GABRQ: variants seen among roughly 807,000 people sequenced by gnomAD.
GABRQ encodes gamma-aminobutyric acid receptor subunit theta.
In GABRQ, 19 loss-of-function variants were observed where a neutral mutation model predicts 30.5. The ratio of observed to expected loss-of-function variants is 0.62; its 90% CI spans 0.43 to 0.91. The LOEUF is 0.91. GABRQ is among the 40% of genes least tolerant of loss of function. The pLI, the probability that GABRQ is intolerant of heterozygous loss-of-function variation, is 0.00. For missense variants in GABRQ, 520 were observed against 521.4 expected (o/e 1.00, Z 0.03); for synonymous variants, 187 against 210.2 (o/e 0.89, Z 0.95).
rs1233528034 is a variant in GABRQ, at chrX:152,654,139, G to C, written c.*858G>C. The C allele has an allele frequency of 8.9e-6, 1 of 112,374 alleles. No homozygotes were observed. Among genetic ancestry groups the C allele is most frequent in the African/African-American group, 3.2e-5 (1 of 30,881 alleles). The allele number at this position is 112,374 out of a possible 1,213,427, so 9.3% of individuals were successfully genotyped here. On this transcript the variant is annotated 3_prime_UTR_variant, in exon 9 of 9. Coordinates refer to ENST00000598523, the MANE Select transcript of GABRQ (RefSeq NM_018558.4). The stretch of plus-strand genomic sequence containing the variant: ...AGACTCAATACATCTGTCTAAGTCA[G>C]GAGTTAGCTTTCCGTCAGTTGCTGA...
Position 152,653,016 on chromosome X carries a change from C to T in GABRQ, c.1634C>T (p.Ala545Val), listed in dbSNP as rs782763163. Reference protein sequence around the residue: ...DDNNDKSDCLAIKEQFKCDTN... With the variant: ...DDNNDKSDCLVIKEQFKCDTN... Reference sequence around the variant, plus strand: ...AACAATGACAAGAGCGACTGCCTTGCCATTAAGGAGCAATTCAAGTGTGAT... The same window carrying T: ...AACAATGACAAGAGCGACTGCCTTGTCATTAAGGAGCAATTCAAGTGTGAT... Residue 545 changes from alanine to valine, a missense_variant, in exon 9 of 9, where the codon GCC becomes GTC. By Grantham distance (64) the Ala-to-Val change is moderately conservative. Transcript: ENST00000598523. The T allele has an allele frequency of 8.3e-7, 1 of 1,210,223 alleles. No homozygotes were observed. The highest frequency in any genetic ancestry group is 1.1e-6 in the Non-Finnish European group (1 of 894,114).
intron 1 of GABRQ, among the ~76,000 whole-genome samples, chrX:152,638,993 C>T (rs782036433): frequency 9.0e-6 from 1 of 110,779 alleles, no homozygotes; most frequent in East Asian, 2.8e-4. Context: ...TTGAAGACTC[C>T]GGTTTTTTTC....
chrX:152,644,940 C>T (rs1239656187), intron 2 of GABRQ, among the ~76,000 whole-genome samples: 3 of 112,240 alleles, frequency 2.7e-5, no homozygotes, highest in African/African-American at 9.7e-5. Flanking sequence ...CATTCACATG[C>T]TCACAGATTT....
rs1931117000 is a variant in GABRQ, at chrX:152,654,832, CT to C, written c.*1554del. ...TCCCTTACCCCTCTACCCACTCACC[CT>C]TTAACTGTGCTTCTGTGTTTGTGTT... On this transcript the variant is annotated 3_prime_UTR_variant, in exon 9 of 9. Transcript: ENST00000598523. The C allele has an allele frequency of 8.9e-6, 1 of 112,506 alleles. No individual in the cohort carries two copies. The highest frequency in any genetic ancestry group is 3.2e-5 in the African/African-American group (1 of 30,945). The allele number at this position is 112,506 out of a possible 1,213,427, so 9.3% of individuals were successfully genotyped here.
chrX:152,651,787 G>T lies in GABRQ; in HGVS notation c.1158+5G>T. The T allele has an allele frequency of 8.3e-7, 1 of 1,207,126 alleles. No homozygotes were observed. The highest frequency in any genetic ancestry group is 1.1e-6 in the Non-Finnish European group (1 of 892,294). On this transcript the variant is annotated splice_donor_5th_base_variant and intron_variant, in intron 8 of 8. Coordinates refer to ENST00000598523, the MANE Select transcript of GABRQ (RefSeq NM_018558.4). ...GTGGTGGTAGGAAACGTGCAGGTTTGACTTTTTGACTGACAATCAGCTTTC... is the reference window on the plus strand; with the variant it reads ...GTGGTGGTAGGAAACGTGCAGGTTTTACTTTTTGACTGACAATCAGCTTTC...
chrX:152,658,038 T>C (rs1931182489), downstream of GABRQ, among the ~76,000 whole-genome samples: 1 of 112,067 alleles, frequency 8.9e-6, no homozygotes, highest in Middle Eastern at 4.6e-3. Flanking sequence ...GGAGTAGAAA[T>C]ACGCCAGCTT....
chrX:152,658,856 C>G (rs782531271), downstream of GABRQ, among the ~76,000 whole-genome samples: 1 of 111,714 alleles, frequency 9.0e-6, no homozygotes, highest in African/African-American at 3.3e-5. Flanking sequence ...CTCGAGAAAT[C>G]CCACCCTGAT....
rs1556820525 is a variant in GABRQ, at chrX:152,652,855, T to C, written c.1473T>C (p.His491=). Residue 491 remains histidine, a synonymous_variant, in exon 9 of 9, where the codon CAT becomes CAC. Transcript: ENST00000598523. ...EIRNRVEAHG[H]GVTHDHEDSN... Reference sequence around the variant, plus strand: ...GCAACCGTGTCGAAGCCCATGGCCATGGTGTTACCCATGACCATGAAGATT... The same window carrying C: ...GCAACCGTGTCGAAGCCCATGGCCACGGTGTTACCCATGACCATGAAGATT... The C allele has an allele frequency of 8.3e-7, 1 of 1,210,880 alleles. No homozygotes were observed.
In GABRQ at chrX:152,650,588, C is replaced by T; in HGVS notation, c.901+8C>T. ...CAGCCAGGGTGACAATTGGTAGGTT[C>T]TGTCTCTGTCCCAGGAAAGAATTTG... is the stretch of plus-strand genomic sequence containing the variant. On this transcript the variant is annotated splice_region_variant and intron_variant, in intron 7 of 8. Coordinates refer to ENST00000598523, the MANE Select transcript of GABRQ (RefSeq NM_018558.4). 1.7e-6 allele frequency: 2 copies of T among 1,182,128 alleles called. No individual in the cohort carries two copies. Among genetic ancestry groups the T allele is most frequent in the Non-Finnish European group, 2.3e-6 (2 of 878,008 alleles).
At chrX:152,650,997 T>A (rs781797068) in intron 7 of GABRQ, among the ~76,000 whole-genome samples, 1 of 110,885 alleles carries the variant, frequency 9.0e-6, no homozygotes, top group East Asian at 2.9e-4. Flanking sequence ...GTACTTTATG[T>A]CTAAGCATGG....
At chrX:152,640,927 C>T (rs956599463) in intron 2 of GABRQ, among the ~76,000 whole-genome samples, 1 of 110,971 alleles carries the variant, frequency 9.0e-6, no homozygotes, top group South Asian at 3.9e-4. Context: ...CTTAACCCAC[C>T]GAGGCCCTGG....
chrX:152,639,378 G>GCGCACACACA (rs202009485), intron 1 of GABRQ, among the ~76,000 whole-genome samples: 1,125 of 103,346 alleles, frequency 0.011, 20 homozygotes, highest in African/African-American at 0.037. Context: ...ATGCGCGTGC[G>GCGCACACACA]CACACACACA....
At chrX:152,649,638 G>A (rs1349006720) in intron 5 of GABRQ, 104 bp from the exon 6 acceptor site, 10 of 640,778 alleles carry the variant, frequency 1.6e-5, no homozygotes, top group Non-Finnish European at 2.2e-5. Flanking sequence ...CTTACTGTTG[G>A]GAAAGTGTGT....
intron 2 of GABRQ, among the ~76,000 whole-genome samples, chrX:152,644,530 T>A (rs1556818915): frequency 8.9e-6 from 1 of 112,531 alleles, no homozygotes; most frequent in Non-Finnish European, 1.9e-5. Context: ...ATGTGTAGTA[T>A]GCCAGTGCAG....
chrX:152,652,603 C>T lies in GABRQ; in HGVS notation c.1221C>T (p.Pro407=). The change falls in exon 9 of 9, where the codon CCC becomes CCT. Residue 407 remains proline (P), a synonymous_variant. Coordinates refer to ENST00000598523, the MANE Select transcript of GABRQ (RefSeq NM_018558.4). ...TCCCCATCACCCCAGCGCAGGCCCC[C>T]CTGGCAAGCCCGGAAAGCCTCGGTT... is the stretch of plus-strand genomic sequence containing the variant. ...SSLPITPAQA[P]LASPESLGSL... The T allele has an allele frequency of 8.3e-7, 1 of 1,210,556 alleles. No individual in the cohort carries two copies. Among genetic ancestry groups the T allele is most frequent in the African/African-American group, 1.7e-5 (1 of 57,820 alleles).
Position 152,653,444 on chromosome X carries a change from A to C in GABRQ, c.*163A>C. On this transcript the variant is annotated 3_prime_UTR_variant, in exon 9 of 9. Coordinates refer to ENST00000598523, the MANE Select transcript of GABRQ (RefSeq NM_018558.4). The stretch of plus-strand genomic sequence containing the variant: ...TAAACATGAGGTGGGGAGTAATTGG[A>C]AAGAACATGTTCTAGCTGGAAGGGA... The C allele has an allele frequency of 2.3e-6, 1 of 439,310 alleles. No individual in the cohort carries two copies. Among genetic ancestry groups the C allele is most frequent in the Non-Finnish European group, 3.9e-6 (1 of 255,639 alleles). The allele number at this position is 439,310 out of a possible 1,213,427, so 36.2% of individuals were successfully genotyped here.
intron 7 of GABRQ, 143 bp from the exon 8 acceptor site, chrX:152,651,383 G>T: frequency 2.0e-6 from 1 of 488,093 alleles, no homozygotes; most frequent in South Asian, 3.2e-5. Context: ...TGAGTTTAAA[G>T]ATGGGGGAAA....
chrX:152,647,197 C>T lies in GABRQ; in HGVS notation c.527+29C>T, dbSNP rs374415140. 1.5e-5 allele frequency: 15 copies of T among 1,017,231 alleles called. No individual in the cohort carries two copies. The East Asian group carries it at 3.3e-4, about 23-fold the overall frequency. The allele number at this position is 1,017,231 out of a possible 1,213,427, so 83.8% of individuals were successfully genotyped here. On this transcript the variant is annotated intron_variant, in intron 4 of 8. Coordinates refer to ENST00000598523, the MANE Select transcript of GABRQ (RefSeq NM_018558.4). The stretch of plus-strand genomic sequence containing the variant: ...AGTCCCCTAGGGGTCTGGGGATGTC[C>T]CAGCAGACTTCCTTCTTCCTACTGA...
intron 5 of GABRQ, 37 bp from the exon 6 acceptor site, chrX:152,649,705 A>C: frequency 1.8e-6 from 2 of 1,127,353 alleles, no homozygotes; most frequent in Non-Finnish European, 1.2e-6. Context: ...CTTTCTTTCT[A>C]AGAATCTGAG....
Sources: gnomAD v4.1 joint callset for allele counts (sites outside exome capture counted in the v4.1 genomes callset) on GRCh38, gnomAD v4.1.1 for gene constraint, MANE v1.5 for transcripts, NCBI Gene and HGNC (gene_info 2026-07-23, HGNC 2026-07-21) for gene names.